The following FGF13 variants were observed in gnomAD, a reference collection of about 807,000 sequenced individuals.
FGF13 encodes the protein fibroblast growth factor 13.
Under a neutral mutation model 19.5 loss-of-function variants are expected in FGF13, and 2 were observed. The ratio of observed to expected loss-of-function variants is 0.10; its 90% CI spans 0.04 to 0.32. FGF13 has a LOEUF of 0.32. Among genes scored for constraint, FGF13 ranks in the 10% least tolerant of loss-of-function variants. The pLI, the probability that FGF13 is intolerant of heterozygous loss-of-function variation, is 1.00. For missense variants in FGF13, 113 were observed against 192.7 expected (o/e 0.59, Z 2.45); for synonymous variants, 72 against 76.9 (o/e 0.94, Z 0.33).
chrX:138,905,567 T>C (rs1243863963), intron 1 of FGF13, among the ~76,000 whole-genome samples: 1 of 112,002 alleles, frequency 8.9e-6, no homozygotes, highest in African/African-American at 3.3e-5. Context: ...GAGAGCTCAG[T>C]GGGCAGCTTT....
chrX:139,166,744 G>C (rs2084090135), intron 1 of FGF13, among the ~76,000 whole-genome samples: 1 of 111,417 alleles, frequency 9.0e-6, no homozygotes, highest in Non-Finnish European at 1.9e-5. Flanking sequence ...AGAACCATTA[G>C]CTAAATAAAC....
intron 1 of FGF13, among the ~76,000 whole-genome samples, chrX:139,138,400 C>T (rs1487541238): frequency 9.0e-6 from 1 of 111,691 alleles, no homozygotes; most frequent in Non-Finnish European, 1.9e-5. Flanking sequence ...GGCCACTCTG[C>T]CCCTCTCTCC....
chrX:138,615,536 C>T lies in FGF13; in HGVS notation c.*17314G>A, dbSNP rs186344025. ...CTAGTATTTGGGAAACTGAAAGAAA[C>T]CCCAGTGGACCCACTTGAGTGTACA... On this transcript the variant is annotated 3_prime_UTR_variant, in exon 5 of 5. Transcript: ENST00000315930. The T allele has an allele frequency of 8.2e-4, 90 of 110,212 alleles. No individual in the cohort carries two copies. The highest frequency in any genetic ancestry group is 2.9e-3 in the African/African-American group (87 of 30,284). 9.1% of individuals were successfully genotyped at this position (110,212 alleles called of 1,213,427 possible). A position where few individuals can be genotyped will look rare whatever the true frequency, so the allele number is the denominator to read the frequency against.
chrX:138,858,883 G>A (rs1216404266), intron 2 of FGF13, among the ~76,000 whole-genome samples: 1 of 111,501 alleles, frequency 9.0e-6, no homozygotes, highest in Non-Finnish European at 1.9e-5. Flanking sequence ...TTCCTTTCAT[G>A]TCAAGGAAAA....
intron 3 of FGF13, among the ~76,000 whole-genome samples, chrX:138,789,251 C>A (rs956380546): frequency 2.7e-5 from 3 of 110,615 alleles, no homozygotes; most frequent in Non-Finnish European, 5.7e-5. Context: ...TCACTGCAAC[C>A]TCCGCCTCCC....
At chrX:138,939,793 C>T (rs887428801) in intron 1 of FGF13, among the ~76,000 whole-genome samples, 1 of 112,251 alleles carries the variant, frequency 8.9e-6, no homozygotes, top group African/African-American at 3.2e-5. Context: ...TGTATATCTA[C>T]CACATTTTCT....
chrX:139,088,290 C>A (rs1201419547), intron 1 of FGF13, among the ~76,000 whole-genome samples: 2 of 111,634 alleles, frequency 1.8e-5, no homozygotes, highest in South Asian at 3.8e-4. Flanking sequence ...AGCTTTAGAA[C>A]AAACAAGATT....
At chrX:138,914,981 G>A (rs1303039651) in intron 1 of FGF13, among the ~76,000 whole-genome samples, 1 of 111,248 alleles carries the variant, frequency 9.0e-6, no homozygotes, top group Non-Finnish European at 1.9e-5. Context: ...TCTGGCCCCA[G>A]AAGCTTGATC....
intron 1 of FGF13, among the ~76,000 whole-genome samples, chrX:139,187,683 A>G (rs1480396950): frequency 1.8e-5 from 2 of 112,239 alleles, no homozygotes; most frequent in Admixed American, 9.5e-5. Flanking sequence ...TCAGCATTTC[A>G]TCAAGTGCAT....
chrX:138,779,751 T>C (rs1418010372), intron 3 of FGF13, among the ~76,000 whole-genome samples: 1 of 107,253 alleles, frequency 9.3e-6, no homozygotes, highest in Non-Finnish European at 1.9e-5. Flanking sequence ...CAGGATATTA[T>C]CCAGGAGAAC....
chrX:138,800,033 C>T (rs1160647299), intron 3 of FGF13, among the ~76,000 whole-genome samples: 2 of 111,586 alleles, frequency 1.8e-5, no homozygotes, highest in African/African-American at 3.3e-5. Context: ...ATCCAATTTG[C>T]GAGTCTGTGT....
chrX:138,690,939 G>A (rs1385106150), intron 3 of FGF13, among the ~76,000 whole-genome samples: 1 of 111,426 alleles, frequency 9.0e-6, no homozygotes, highest in Non-Finnish European at 1.9e-5. Context: ...TCCAGACATT[G>A]ACAGTATGAA....
chrX:138,687,387 C>G (rs1368862587), intron 3 of FGF13, among the ~76,000 whole-genome samples: 2 of 111,917 alleles, frequency 1.8e-5, no homozygotes, highest in Non-Finnish European at 3.8e-5. Flanking sequence ...AACTCTTCAA[C>G]AGACACATGA....
At position 138,625,851 on chromosome X, in the gene FGF13, A is replaced by AGAT. The variant is rs1469977063; in HGVS notation, c.*6996_*6998dup. The AGAT allele has an allele frequency of 9.0e-6, 1 of 110,661 alleles. No homozygotes were observed. The highest frequency in any genetic ancestry group is 3.3e-5 in the African/African-American group (1 of 30,400). 9.1% of individuals were successfully genotyped at this position (110,661 alleles called of 1,213,427 possible). Reference sequence around the variant, plus strand: ...AATAAAATGTGCACTTTAGATGGGAAGATGTTGTTAGAACATAATTTTGCT... The same window carrying AGAT: ...AATAAAATGTGCACTTTAGATGGGAAGATGATGTTGTTAGAACATAATTTTGCT... On this transcript the variant is annotated 3_prime_UTR_variant, in exon 5 of 5. Coordinates refer to ENST00000315930, the MANE Select transcript of FGF13 (RefSeq NM_004114.5).
At position 138,711,386 on chromosome X, in the gene FGF13, C is replaced by G. The variant is rs1210394351; in HGVS notation, c.-383G>C. Reference sequence around the variant, plus strand: ...CGGTCCGAATTTCGCCGGACCCCCTCGCCCTGTTGCCCTTCTGATGGGGGC... The same window carrying G: ...CGGTCCGAATTTCGCCGGACCCCCTGGCCCTGTTGCCCTTCTGATGGGGGC... On this transcript the variant is annotated 5_prime_UTR_variant, in exon 1 of 5. Transcript: ENST00000315930. 4 of 460,946 alleles carry G rather than the reference C, an allele frequency of 8.7e-6. No individual in the cohort carries two copies. Among genetic ancestry groups the G allele is most frequent in the Middle Eastern group, 1.2e-3 (1 of 827 alleles). 38.0% of individuals were successfully genotyped at this position (460,946 alleles called of 1,213,427 possible).
chrX:139,138,163 A>AAT lies in FGF13; in HGVS notation c.-113+65251_-113+65252dup, dbSNP rs751703456. Among the ~76,000 whole-genome samples, 175 of 112,153 alleles carry AAT rather than the reference A, an allele frequency of 1.6e-3. 1 individual carries two copies. Among genetic ancestry groups the AAT allele is most frequent in the Middle Eastern group, 9.2e-3 (2 of 217 alleles). On this transcript the variant is annotated intron_variant, in intron 1 of 2. Transcript: ENST00000421460. ...CATGCTTCACTCATTTATTCCTCAA[A>AAT]ATAGCCCTGTGAGGTAGATATTCTT...
intron 3 of FGF13, among the ~76,000 whole-genome samples, chrX:138,775,114 C>T (rs2090578347): frequency 8.9e-6 from 1 of 111,989 alleles, no homozygotes; most frequent in African/African-American, 3.3e-5. Flanking sequence ...CATGCGCCAT[C>T]ACGCTGGCTT....
At chrX:138,706,931 T>G (rs764155621) in intron 2 of FGF13, among the ~76,000 whole-genome samples, 2 of 112,537 alleles carry the variant, frequency 1.8e-5, no homozygotes, top group South Asian at 7.4e-4. Flanking sequence ...TGACAATACT[T>G]ACCTTTAGTT....
intron 1 of FGF13, among the ~76,000 whole-genome samples, chrX:139,013,531 A>ATATATATATATATAT (rs2092140302): frequency 2.3e-5 from 2 of 88,588 alleles, no homozygotes; most frequent in Non-Finnish European, 4.3e-5. Context: ...ATATATATAT[A>ATATATATATATATAT]AAATGAAATA....
Sources: allele counts gnomAD v4.1 joint callset (sites outside exome capture counted in the v4.1 genomes callset), GRCh38; gene constraint gnomAD v4.1.1; transcripts MANE v1.5; gene names NCBI Gene and HGNC (gene_info 2026-07-23, HGNC 2026-07-21).